Variants in TCF12 observed in about 807,000 individuals in gnomAD.
TCF12 encodes DNA-binding protein HTF4.
TCF12 carries 45 observed loss-of-function variants against 86.0 expected under a neutral mutation model. The ratio of observed to expected loss-of-function variants is 0.52; its 90% CI spans 0.41 to 0.67. The LOEUF (loss-of-function observed/expected upper bound fraction) is 0.67. Ranked by LOEUF, TCF12 falls within the 30% of genes least tolerant of loss-of-function variation. The pLI is 0.00. For missense variants in TCF12, 881 were observed against 859.9 expected, an observed-to-expected ratio of 1.02 and a Z score of -0.31; for synonymous variants, 330 against 299.6, an observed-to-expected ratio of 1.10 and a Z score of -1.05.
chr15:57,239,396 C>T (rs759415601), intron 12 of TCF12, among the ~76,000 whole-genome samples: 14 of 151,322 alleles, frequency 9.3e-5, no homozygotes, highest in Non-Finnish European at 1.8e-4. Context: ...TGGTGGTACA[C>T]GCCTATGTAA....
chr15:57,003,304 A>G (rs2064158474), intron 3 of TCF12, among the ~76,000 whole-genome samples: 1 of 152,222 alleles, frequency 6.6e-6, no homozygotes, highest in African/African-American at 2.4e-5. Flanking sequence ...ATCTGGTCAC[A>G]GCATTTTTGT....
chr15:57,139,178 G>T (rs867914999), intron 5 of TCF12, among the ~76,000 whole-genome samples: 1 of 151,900 alleles, frequency 6.6e-6, no homozygotes, highest in Non-Finnish European at 1.5e-5. Context: ...TCTTTTTCTA[G>T]TTACTCTTCC....
chr15:57,145,439 G>C (rs576477471), intron 5 of TCF12, among the ~76,000 whole-genome samples: 1 of 152,134 alleles, frequency 6.6e-6, no homozygotes, highest in South Asian at 2.1e-4. Context: ...GGATTGGTGA[G>C]TGTGAAATAA....
intron 5 of TCF12, among the ~76,000 whole-genome samples, chr15:57,142,654 A>G (rs923757015): frequency 6.6e-6 from 1 of 152,254 alleles, no homozygotes; most frequent in Non-Finnish European, 1.5e-5. Context: ...TAGTCTCAAA[A>G]TACCTTCTCA....
intron 13 of TCF12, among the ~76,000 whole-genome samples, chr15:57,246,634 T>A (rs1255282307): frequency 6.6e-6 from 1 of 152,076 alleles, no homozygotes; most frequent in African/African-American, 2.4e-5. Flanking sequence ...TACCACAGTT[T>A]ACAGGGCAAT....
chr15:57,100,088 G>A (rs896289735), intron 5 of TCF12, among the ~76,000 whole-genome samples: 5 of 152,102 alleles, frequency 3.3e-5, no homozygotes, highest in South Asian at 2.1e-4. Flanking sequence ...TGGGCCAGTT[G>A]CATAGATCTG....
At chr15:57,182,119 A>G (rs1443953756) in intron 6 of TCF12, among the ~76,000 whole-genome samples, 3 of 152,176 alleles carry the variant, frequency 2.0e-5, no homozygotes, top group South Asian at 2.1e-4. Flanking sequence ...ATCGTTCTGT[A>G]TTCTTTTTGC....
At chr15:57,001,406 G>A (rs2064026615) in intron 3 of TCF12, 1 of 180,078 alleles carries the variant, frequency 5.6e-6, no homozygotes, top group Admixed American at 6.3e-5. Context: ...CACCAAAAAG[G>A]ACGTTCTTCT....
chr15:57,278,355 A>T (rs2061499637), intron 19 of TCF12, among the ~76,000 whole-genome samples: 2 of 152,166 alleles, frequency 1.3e-5, no homozygotes, highest in Non-Finnish European at 2.9e-5. Context: ...AAGAAAATGG[A>T]ATTAATTGAT....
At chr15:57,175,492 C>G (rs565883725) in intron 6 of TCF12, among the ~76,000 whole-genome samples, 2 of 152,278 alleles carry the variant, frequency 1.3e-5, no homozygotes, top group Non-Finnish European at 2.9e-5. Context: ...ATGGTAATGT[C>G]AAGAACAAGA....
At chr15:56,920,961 A>G (rs2059764749) in intron 2 of TCF12, 65 bp from the exon 3 acceptor site, 4 of 1,321,404 alleles carry the variant, frequency 3.0e-6, no homozygotes, top group Admixed American at 4.6e-5. Context: ...CTTTTGGTGG[A>G]CTTTTGTTTG....
intron 5 of TCF12, among the ~76,000 whole-genome samples, chr15:57,152,189 G>A (rs909380098): frequency 2.4e-4 from 36 of 152,270 alleles, no homozygotes; most frequent in African/African-American, 8.7e-4. Context: ...TATGGAAAGA[G>A]GCATACCCAC....
intron 8 of TCF12, among the ~76,000 whole-genome samples, chr15:57,199,222 A>C (rs2057416274): frequency 6.6e-6 from 1 of 152,206 alleles, no homozygotes; most frequent in Admixed American, 6.5e-5. Context: ...GCAGCAGCTA[A>C]AAATAGTTGG....
intron 5 of TCF12, among the ~76,000 whole-genome samples, chr15:57,137,061 G>A (rs1381137408): frequency 7.2e-6 from 1 of 138,962 alleles, no homozygotes; most frequent in Non-Finnish European, 1.5e-5. Flanking sequence ...CTCACTGCGA[G>A]CTCTGTCTCC....
At chr15:57,230,967 CAT>C (rs1479935666) in intron 8 of TCF12, among the ~76,000 whole-genome samples, 183 bp from the exon 9 acceptor site, 6 of 141,678 alleles carry the variant, frequency 4.2e-5, no homozygotes, top group Admixed American at 7.0e-5. Context: ...AAAAAAAAAA[CAT>C]GTGGATGGTA....
intron 5 of TCF12, among the ~76,000 whole-genome samples, chr15:57,113,513 A>G (rs2050635144): frequency 6.6e-6 from 1 of 152,160 alleles, no homozygotes; most frequent in Non-Finnish European, 1.5e-5. Context: ...CTTGACTGGC[A>G]ATCCCTTACC....
chr15:57,265,079 ATAGTATAGTATAGTATAGT>A (rs2060792955), intron 18 of TCF12, among the ~76,000 whole-genome samples: 2 of 17,358 alleles, frequency 1.2e-4, no homozygotes, highest in Admixed American at 2.5e-3. Flanking sequence ...ATAGTATAGT[ATAGTATAGTATAGTATAGT>A]ATAGTATAGT....
intron 4 of TCF12, among the ~76,000 whole-genome samples, chr15:57,084,781 G>T (rs2048520062): frequency 6.6e-6 from 1 of 151,800 alleles, no homozygotes; most frequent in Non-Finnish European, 1.5e-5. Flanking sequence ...TATATTAATT[G>T]TATATTATAA....
At chr15:57,003,537 A>G (rs1005215919) in intron 3 of TCF12, among the ~76,000 whole-genome samples, 2 of 152,208 alleles carry the variant, frequency 1.3e-5, no homozygotes, top group East Asian at 3.9e-4. Context: ...GAAATCATCA[A>G]CAAAAACACA....
Sources: gnomAD v4.1 joint callset for allele counts (sites outside exome capture counted in the v4.1 genomes callset) on GRCh38, gnomAD v4.1.1 for gene constraint, MANE v1.5 for transcripts, NCBI Gene and HGNC (gene_info 2026-07-23, HGNC 2026-07-21) for gene names.